The following CDH12 variants were observed in gnomAD, a reference collection of about 807,000 sequenced individuals.
CDH12 encodes cadherin 12, also known as cadherin-12.
Under a neutral mutation model 74.1 loss-of-function variants are expected in CDH12, and 41 were observed. The observed-to-expected ratio is 0.55, with a 90% CI of 0.43 to 0.72. The LOEUF is 0.72. CDH12 is among the 30% of genes least tolerant of loss of function. The pLI is 0.00. For missense variants in CDH12, 945 were observed against 977.2 expected, an observed-to-expected ratio of 0.97 and a Z score of 0.44; for synonymous variants, 399 against 355.0, an observed-to-expected ratio of 1.12 and a Z score of -1.39.
chr5:21,815,004 A>G (rs1287541550), intron 9 of CDH12, among the ~76,000 whole-genome samples: 1 of 152,092 alleles, frequency 6.6e-6, no homozygotes, highest in Non-Finnish European at 1.5e-5. Flanking sequence ...CAAATTTAAC[A>G]TAAATGCTTA....
chr5:22,765,453 T>A (rs1746452930), intron 1 of CDH12, among the ~76,000 whole-genome samples: 1 of 151,964 alleles, frequency 6.6e-6, no homozygotes, highest in Non-Finnish European at 1.5e-5. Flanking sequence ...AATATCTCTC[T>A]TTTGGCCTGT....
chr5:22,722,332 A>G (rs1431082155), intron 1 of CDH12, among the ~76,000 whole-genome samples: 1 of 152,236 alleles, frequency 6.6e-6, no homozygotes, highest in Non-Finnish European at 1.5e-5. Context: ...ATTGTCTAGC[A>G]AGTTACAACC....
intron 1 of CDH12, among the ~76,000 whole-genome samples, chr5:22,773,331 C>T (rs1267521134): frequency 6.6e-6 from 1 of 151,786 alleles, no homozygotes; most frequent in Admixed American, 6.6e-5. Context: ...ACAGAATAGA[C>T]TGCCCAAAAA....
At chr5:22,145,647 G>A (rs111896017) in intron 4 of CDH12, among the ~76,000 whole-genome samples, 22,927 of 152,030 alleles carry the variant, frequency 0.15, 2,031 homozygotes, top group African/African-American at 0.25. Flanking sequence ...CAAGGCTAAC[G>A]GTGAGCAGTG....
At chr5:22,035,562 A>T (rs1206303282) in intron 5 of CDH12, among the ~76,000 whole-genome samples, 3 of 152,150 alleles carry the variant, frequency 2.0e-5, no homozygotes, top group Non-Finnish European at 4.4e-5. Flanking sequence ...AATGTGTCTG[A>T]AAACTCAATT....
chr5:22,735,779 A>G (rs1159474698), intron 1 of CDH12, among the ~76,000 whole-genome samples: 1 of 151,938 alleles, frequency 6.6e-6, no homozygotes, highest in Non-Finnish European at 1.5e-5. Context: ...TAATTGAAAA[A>G]TGAGTGCTTA....
At chr5:22,314,723 T>C (rs1031009837) in intron 3 of CDH12, among the ~76,000 whole-genome samples, 16 of 151,916 alleles carry the variant, frequency 1.1e-4, no homozygotes, top group Non-Finnish European at 1.5e-5. Context: ...GTCAGAAGGA[T>C]TGTAAAGTTA....
intron 3 of CDH12, among the ~76,000 whole-genome samples, chr5:22,309,664 T>C (rs143038983): frequency 1.3e-5 from 2 of 152,214 alleles, no homozygotes; most frequent in Non-Finnish European, 2.9e-5. Flanking sequence ...TCATTAACTA[T>C]AGTCCTCATG....
At chr5:22,322,113 G>T (rs1043824764) in intron 3 of CDH12, among the ~76,000 whole-genome samples, 1 of 152,122 alleles carries the variant, frequency 6.6e-6, no homozygotes, top group Non-Finnish European at 1.5e-5. Context: ...GAAGCTTCCT[G>T]TGTAGGATGA....
chr5:21,769,997 C>A (rs1177168537), intron 11 of CDH12, among the ~76,000 whole-genome samples: 3 of 152,138 alleles, frequency 2.0e-5, no homozygotes, highest in Non-Finnish European at 4.4e-5. Flanking sequence ...TCTCAACGCT[C>A]TATGATAGCT....
At chr5:22,173,229 AT>A (rs1262924939) in intron 4 of CDH12, among the ~76,000 whole-genome samples, 1 of 147,868 alleles carries the variant, frequency 6.8e-6, no homozygotes, top group Non-Finnish European at 1.5e-5. Context: ...TTACATATAT[AT>A]GATTTGTTAT....
chr5:22,540,831 A>C (rs1184441030), intron 1 of CDH12, among the ~76,000 whole-genome samples: 1 of 152,240 alleles, frequency 6.6e-6, no homozygotes, highest in Non-Finnish European at 1.5e-5. Context: ...AATCTTTCTT[A>C]TGACAAATTT....
intron 11 of CDH12, among the ~76,000 whole-genome samples, chr5:21,781,751 G>C (rs1745927662): frequency 6.6e-6 from 1 of 151,340 alleles, no homozygotes; most frequent in Non-Finnish European, 1.5e-5. Context: ...GCAACCAATG[G>C]AGCACTATAT....
chr5:21,854,608 AT>A (rs1750652561), intron 7 of CDH12, 62 bp downstream of exon 7: 14 of 1,402,202 alleles, frequency 1.0e-5, no homozygotes, highest in Non-Finnish European at 1.4e-5. Context: ...CCATGCCAAG[AT>A]TTAATTAAAG....
At chr5:22,554,444 A>G (rs1490429049) in intron 1 of CDH12, among the ~76,000 whole-genome samples, 1 of 152,104 alleles carries the variant, frequency 6.6e-6, no homozygotes, top group Non-Finnish European at 1.5e-5. Context: ...TCTTCTGCTC[A>G]ATTTTGCATG....
intron 3 of CDH12, among the ~76,000 whole-genome samples, chr5:22,394,896 T>A (rs1015981133): frequency 1.3e-5 from 2 of 152,156 alleles, no homozygotes; most frequent in South Asian, 2.1e-4. Flanking sequence ...TTAGAGTTTG[T>A]GCTATAATGG....
intron 3 of CDH12, among the ~76,000 whole-genome samples, chr5:22,281,034 T>A (rs1352679162): frequency 6.6e-6 from 1 of 152,188 alleles, no homozygotes; most frequent in Non-Finnish European, 1.5e-5. Context: ...TATGATCAAG[T>A]GGGCTTCATC....
chr5:22,658,449 C>A (rs574744389), intron 1 of CDH12, among the ~76,000 whole-genome samples: 13 of 151,968 alleles, frequency 8.6e-5, no homozygotes, highest in Non-Finnish European at 1.5e-4. Flanking sequence ...AAAAGTTGAT[C>A]TATTATAGAT....
chr5:21,825,174 A>AG (rs1748600754), intron 8 of CDH12, among the ~76,000 whole-genome samples: 1 of 149,636 alleles, frequency 6.7e-6, no homozygotes, highest in Admixed American at 6.6e-5. Flanking sequence ...AAAAAGAAAA[A>AG]AAACTAACAA....
Sources: gnomAD v4.1 joint callset for allele counts (sites outside exome capture counted in the v4.1 genomes callset) on GRCh38, gnomAD v4.1.1 for gene constraint, MANE v1.5 for transcripts, NCBI Gene and HGNC (gene_info 2026-07-23, HGNC 2026-07-21) for gene names.